C4orf50: variants seen among roughly 807,000 people sequenced by gnomAD.
The protein encoded by C4orf50 is uncharacterized protein C4orf50.
A neutral mutation model predicts 77.2 loss-of-function variants in C4orf50; 80 were observed. The ratio of observed to expected loss-of-function variants is 1.04; its 90% CI spans 0.87 to 1.25. The LOEUF (loss-of-function observed/expected upper bound fraction) is 1.25, where lower values mean the gene tolerates loss of function less well. Among genes scored for constraint, C4orf50 ranks in the 50% most tolerant of loss-of-function variants. The probability of loss-of-function intolerance (pLI) is 0.00; values close to 1 mark genes in which losing one functional copy is unlikely to be tolerated. For missense variants in C4orf50, 1,257 were observed against 1,152.9 expected, an observed-to-expected ratio of 1.09 and a Z score of -1.31; for synonymous variants, 532 against 465.3, an observed-to-expected ratio of 1.14 and a Z score of -1.84.
intron 31 of C4orf50, among the ~76,000 whole-genome samples, chr4:5,969,040 C>A (rs1267640736): frequency 6.6e-6 from 1 of 152,156 alleles, no homozygotes; most frequent in Non-Finnish European, 1.5e-5. Context: ...GTTGAATTCT[C>A]TGAGCCTCAC....
At chr4:5,988,003 C>T (rs1438746311) in intron 28 of C4orf50, among the ~76,000 whole-genome samples, 4 of 152,134 alleles carry the variant, frequency 2.6e-5, no homozygotes, top group Non-Finnish European at 5.9e-5. Context: ...TTGAAAAACC[C>T]CAGGGTTGGA....
At chr4:5,912,020 T>C (rs1716827747) in intron 7 of C4orf50, among the ~76,000 whole-genome samples, 1 of 152,132 alleles carries the variant, frequency 6.6e-6, no homozygotes, top group Non-Finnish European at 1.5e-5. Context: ...CACTCCAGCT[T>C]GGGTGACAGA....
exon 34 of C4orf50, chr4:5,957,527 C>T (rs1477300520): frequency 6.6e-6 from 1 of 152,106 alleles, no homozygotes; most frequent in Non-Finnish European, 1.5e-5. Flanking sequence ...GGGATCACCG[C>T]AGTGGTTTCC....
Position 5,973,848 on chromosome 4 carries a change from G to A in C4orf50, c.3922-7C>T, listed in dbSNP as rs894654292. The stretch of plus-strand genomic sequence containing the variant: ...CGAGGGAAGCTATCTTGGCCTGAAA[G>A]GGAGGGAGGCCATGGATGCAGAGCT... On this transcript the variant is annotated splice_polypyrimidine_tract_variant and splice_region_variant and intron_variant, in intron 30 of 33. Coordinates refer to ENST00000531445, the Ensembl canonical transcript of C4orf50. The A allele has an allele frequency of 1.2e-6, 2 of 1,604,022 alleles. No individual in the cohort carries two copies. Among genetic ancestry groups the A allele is most frequent in the African/African-American group, 2.7e-5 (2 of 74,826 alleles).
intron 25 of C4orf50, among the ~76,000 whole-genome samples, chr4:5,996,988 A>C (rs1044239936): frequency 6.6e-6 from 1 of 152,222 alleles, no homozygotes; most frequent in Admixed American, 6.5e-5. Context: ...AAAAGAGAAA[A>C]TGAGAGAGAA....
chr4:5,963,397 A>C (rs1279159942), intron 33 of C4orf50, among the ~76,000 whole-genome samples: 6 of 152,226 alleles, frequency 3.9e-5, no homozygotes, highest in Non-Finnish European at 7.3e-5. Flanking sequence ...ATTACTAGAT[A>C]AGAAGTCATT....
intron 25 of C4orf50, among the ~76,000 whole-genome samples, chr4:6,002,532 G>A (rs1024015402): frequency 6.6e-6 from 1 of 152,212 alleles, no homozygotes; most frequent in African/African-American, 2.4e-5. Flanking sequence ...CTTACCTGCA[G>A]CAGCTAGCTC....
downstream of C4orf50, chr4:5,956,647 T>C (rs563215515): frequency 6.0e-4 from 92 of 152,348 alleles, no homozygotes; most frequent in African/African-American, 2.1e-3. Context: ...CTCCTCTGAT[T>C]TGCCTAAACG....
chr4:5,897,910 T>C lies in C4orf50; in HGVS notation c.*2753A>G, dbSNP rs1365516590. The stretch of plus-strand genomic sequence containing the variant: ...TCCGGAGGGGAGGTGTCGGGTCCTG[T>C]CGCTGGACCACTCCCGTGTGAACCA... On this transcript the variant is annotated 3_prime_UTR_variant, in exon 8 of 8. Coordinates refer to the C4orf50 transcript ENST00000324058. The C allele has an allele frequency of 2.0e-5, 3 of 152,158 alleles. No homozygotes were observed. The East Asian group carries it at 5.8e-4, about 29-fold the overall frequency. 9.4% of individuals were successfully genotyped at this position (152,158 alleles called of 1,614,324 possible).
intron 7 of C4orf50, among the ~76,000 whole-genome samples, chr4:5,935,765 G>A (rs1292497975): frequency 4.0e-5 from 5 of 124,858 alleles, no homozygotes; most frequent in African/African-American, 6.3e-5. Flanking sequence ...CAGGCTGGGC[G>A]ACAGAGGGAG....
At position 5,905,789 on chromosome 4, in the gene C4orf50, AAAG is replaced by A. The variant is rs967286629; in HGVS notation, c.*2475-7604_*2475-7602del. On this transcript the variant is annotated intron_variant, in intron 7 of 7. Transcript: ENST00000324058. This position sits in a 1 kb window ranked among gnomAD's most constrained non-coding sequence, Gnocchi z 5.4. Reference sequence around the variant, plus strand: ...AGCCTCTCAAAGGGGCCAATGGCCAAAAGAAGGTTGAGAACAACTGAAGAAGAA... The same window carrying A: ...AGCCTCTCAAAGGGGCCAATGGCCAAAAGGTTGAGAACAACTGAAGAAGAA... Among the ~76,000 whole-genome samples the A allele has an allele frequency of 1.3e-5, 2 of 152,236 alleles. No individual in the cohort carries two copies. The highest frequency in any genetic ancestry group is 4.8e-5 in the African/African-American group (2 of 41,446).
In C4orf50 at chr4:5,919,131, G is replaced by A. The variant is rs140456517; in HGVS notation, c.*2475-20943C>T. 2.0e-3 allele frequency among the ~76,000 whole-genome samples: 308 copies of A among 152,314 alleles called. 2 individuals are homozygous for A. Among genetic ancestry groups the A allele is most frequent in the Admixed American group, 4.8e-3 (74 of 15,304 alleles). ...TGGGACATTGCTAGTGAGCGGTAGC[G>A]GGGAATGCTGGGGTGTGGGGGCAAC... is the stretch of plus-strand genomic sequence containing the variant. On this transcript the variant is annotated intron_variant, in intron 7 of 7. Transcript: ENST00000324058. This position sits in a 1 kb window ranked among gnomAD's most constrained non-coding sequence, Gnocchi z 6.5.
At chr4:5,930,601 G>A (rs1163278662) in intron 7 of C4orf50, among the ~76,000 whole-genome samples, 1 of 152,244 alleles carries the variant, frequency 6.6e-6, no homozygotes, top group African/African-American at 2.4e-5. Flanking sequence ...GTGGGCGTGT[G>A]TGCAGCAGCT....
In C4orf50 at chr4:5,992,563, T is replaced by C. The variant is rs746730527; in HGVS notation, c.1221+240A>G. 6.6e-6 allele frequency among the ~76,000 whole-genome samples: 1 copy of C among 152,112 alleles called. No homozygotes were observed. Among genetic ancestry groups the C allele is most frequent in the Non-Finnish European group, 1.5e-5 (1 of 67,994 alleles). ...GAGGTGTCAACGAGATGAAGCCTGT[T>C]CCGTGGAAGCCCAGGCCTGGCACCC... On this transcript the variant is annotated intron_variant, in intron 27 of 33. Transcript: ENST00000531445. The surrounding 1 kb of genome is among the most constrained non-coding windows in gnomAD (Gnocchi z 5.0).
chr4:6,002,656 C>A (rs547707305), intron 25 of C4orf50, among the ~76,000 whole-genome samples: 4 of 152,218 alleles, frequency 2.6e-5, no homozygotes, highest in East Asian at 1.9e-4. Context: ...AGCTTCCCCC[C>A]ACCAGGTGGG....
chr4:6,004,080 GTGATAGTGATGA>G (rs1722040120), intron 25 of C4orf50, among the ~76,000 whole-genome samples: 1 of 30,240 alleles, frequency 3.3e-5, no homozygotes, highest in African/African-American at 1.4e-4. Flanking sequence ...TGGTGATGAT[GTGATAGTGATGA>G]TGGTGATGAT....
chr4:5,898,746 C>T (rs187449930), intron 7 of C4orf50: 1 of 152,268 alleles, frequency 6.6e-6, no homozygotes, highest in African/African-American at 2.4e-5. Flanking sequence ...TTAACAATCC[C>T]ATTAATTTGT....
chr4:5,904,648 A>C (rs530881712), intron 7 of C4orf50: 2 of 152,274 alleles, frequency 1.3e-5, no homozygotes, highest in South Asian at 4.2e-4. Context: ...CTTTCTGCCG[A>C]GACTAGGGGT....
intron 7 of C4orf50, among the ~76,000 whole-genome samples, chr4:5,914,930 C>G (rs1716969028): frequency 6.6e-6 from 1 of 152,208 alleles, no homozygotes; most frequent in Admixed American, 6.5e-5. Flanking sequence ...GATAAATTCT[C>G]CTGTATTTCT....
Sources: gnomAD v4.1 joint callset for allele counts (sites outside exome capture counted in the v4.1 genomes callset) on GRCh38, gnomAD v4.1.1 for gene constraint, Gnocchi (gnomAD v3.1) non-coding constraint, MANE v1.5 for transcripts, NCBI Gene and HGNC (gene_info 2026-07-23, HGNC 2026-07-21) for gene names.